BST1: variants seen among roughly 807,000 people sequenced by gnomAD.
BST1 encodes ADP-ribosyl cyclase/cyclic ADP-ribose hydrolase 2.
A neutral mutation model predicts 40.6 loss-of-function variants in BST1; 49 were observed. The observed-to-expected ratio is 1.21, with a 90% CI of 0.96 to 1.53. BST1 has a LOEUF of 1.53. Among genes scored for constraint, BST1 ranks in the 40% most tolerant of loss-of-function variants. BST1 has a pLI of 0.00. For synonymous variants in BST1, 157 were observed against 159.3 expected, an observed-to-expected ratio of 0.99 and a Z score of 0.11; for missense variants, 423 against 395.9, an observed-to-expected ratio of 1.07 and a Z score of -0.58.
chr4:15,711,944 G>A, intron 4 of BST1, 55 bp downstream of exon 4: 1 of 1,488,282 alleles, frequency 6.7e-7, no homozygotes, highest in Non-Finnish European at 9.4e-7. Flanking sequence ...CATAGAGATG[G>A]AACATAGTCA....
chr4:15,726,456 C>G (rs16892272), intron 8 of BST1, among the ~76,000 whole-genome samples: 20,516 of 152,206 alleles, frequency 0.13, 2,606 homozygotes, highest in East Asian at 0.52. Flanking sequence ...CTCTACAACA[C>G]CTTCAGAGAA....
chr4:15,736,111 C>T (rs1361864071), downstream of BST1: 12 of 1,288,810 alleles, frequency 9.3e-6, no homozygotes, highest in African/African-American at 3.0e-5. Flanking sequence ...ATACAACCGC[C>T]GGTTCTAGCC....
At chr4:15,750,165 C>A in the BST1 span, among the ~76,000 whole-genome samples, 1 of 152,106 alleles carries the variant, frequency 6.6e-6, no homozygotes, top group Non-Finnish European at 1.5e-5. Flanking sequence ...GCTGGGATTA[C>A]AGGTGCCCAC....
At chr4:15,726,371 T>G (rs1721115072) in intron 8 of BST1, among the ~76,000 whole-genome samples, 1 of 152,144 alleles carries the variant, frequency 6.6e-6, no homozygotes, top group African/African-American at 2.4e-5. Context: ...AATGGTTGGA[T>G]TCTACCCTGG....
In BST1 at chr4:15,705,361, C is replaced by T. The variant is rs115226490; in HGVS notation, c.189-154C>T. On this transcript the variant is annotated intron_variant, in intron 1 of 8. Coordinates refer to ENST00000265016, the MANE Select transcript of BST1 (RefSeq NM_004334.3). The stretch of plus-strand genomic sequence containing the variant: ...CAGTGTCAGATTTCTGAATCTGTCA[C>T]CTAAGCCATGACAATTCGTTGTCTT... Among the ~76,000 whole-genome samples the T allele has an allele frequency of 9.1e-3, 1,391 of 152,120 alleles. 19 individuals carry two copies. Among genetic ancestry groups the T allele is most frequent in the African/African-American group, 0.032 (1,323 of 41,454 alleles).
the BST1 span, among the ~76,000 whole-genome samples, chr4:15,749,424 AG>A: frequency 6.6e-6 from 1 of 152,154 alleles, no homozygotes; most frequent in Non-Finnish European, 1.5e-5. Flanking sequence ...TACTTTATTC[AG>A]GGGATCTTTT....
chr4:15,774,068 A>G, the BST1 span, among the ~76,000 whole-genome samples: 1 of 152,190 alleles, frequency 6.6e-6, no homozygotes, highest in Non-Finnish European at 1.5e-5. Flanking sequence ...AATTAAAGTG[A>G]GCTCAAATTC....
Position 15,703,188 on chromosome 4 carries a change from TG to T in BST1, c.45del (p.Leu16CysfsTer43). 1 of 1,559,432 alleles carries T rather than the reference TG, an allele frequency of 6.4e-7. No individual in the cohort carries two copies. Among genetic ancestry groups the T allele is most frequent in the Middle Eastern group, 1.7e-4 (1 of 5,718 alleles). ...GCAASRLLQL[L>X]LQLLLLLLLL... ...GCGGCATCGCGGCTGCTCCAGCTGC[TG>T]CTGCAGCTTCTGCTTCTACTGTTGC... On this transcript the variant is annotated frameshift_variant, in exon 1 of 9. Transcript: ENST00000265016. LOFTEE classifies it high-confidence loss of function.
chr4:15,744,349 G>T, the BST1 span, among the ~76,000 whole-genome samples: 6 of 152,244 alleles, frequency 3.9e-5, no homozygotes, highest in South Asian at 1.2e-3. Flanking sequence ...CACGGTGGAA[G>T]GCAAAGGGGA....
Position 15,715,939 on chromosome 4 carries a change from A to T in BST1, c.704+140A>T, listed in dbSNP as rs200446545. The T allele has an allele frequency of 1.4e-4, 85 of 602,156 alleles. No homozygotes were observed. The East Asian group carries it at 2.7e-3, about 19-fold the overall frequency. 37.3% of individuals were successfully genotyped at this position (602,156 alleles called of 1,614,324 possible). On this transcript the variant is annotated intron_variant, in intron 6 of 8. Coordinates refer to ENST00000265016, the MANE Select transcript of BST1 (RefSeq NM_004334.3). ...TCTAATGGGGTTGGTAGAGAAAGAC[A>T]AAAGCTTGACTTTCTGGGAATGCCA...
chr4:15,748,451 C>A, the BST1 span, among the ~76,000 whole-genome samples: 2 of 152,136 alleles, frequency 1.3e-5, no homozygotes, highest in Admixed American at 6.5e-5. Flanking sequence ...TCTGGGGGGT[C>A]ATGGGAATCT....
rs76228166 is a variant in BST1, at chr4:15,725,191, G to A, written c.851+2257G>A. Among the ~76,000 whole-genome samples, 1,682 of 152,308 alleles carry A rather than the reference G, an allele frequency of 0.011. 68 individuals are homozygous for A. In the East Asian group the frequency reaches 0.16, roughly 14 times the overall value. ...AGAAGCAAAGAAACTCTGGCTCAGAGAAGTTTATGAAGGACTCACCCAAGA... is the reference window on the plus strand; with the variant it reads ...AGAAGCAAAGAAACTCTGGCTCAGAAAAGTTTATGAAGGACTCACCCAAGA... On this transcript the variant is annotated intron_variant, in intron 8 of 8. Transcript: ENST00000265016.
At chr4:15,760,312 T>C in the BST1 span, among the ~76,000 whole-genome samples, 1 of 151,982 alleles carries the variant, frequency 6.6e-6, no homozygotes, top group Non-Finnish European at 1.5e-5. Context: ...TATCACATTT[T>C]GTTTATCCAT....
downstream of BST1, among the ~76,000 whole-genome samples, chr4:15,740,303 C>T (rs905401700): frequency 6.6e-5 from 10 of 152,168 alleles, no homozygotes; most frequent in East Asian, 1.9e-4. Flanking sequence ...GTGATCTGCC[C>T]GCCTTGGGTT....
Position 15,732,236 on chromosome 4 carries a change from A to T in BST1, c.*391A>T. 3.9e-6 allele frequency: 2 copies of T among 512,030 alleles called. No individual in the cohort carries two copies. Among genetic ancestry groups the T allele is most frequent in the Non-Finnish European group, 5.1e-6 (2 of 389,482 alleles). The allele number at this position is 512,030 out of a possible 1,614,324, so 31.7% of individuals were successfully genotyped here. A position where few individuals can be genotyped will look rare whatever the true frequency, so the allele number is the denominator to read the frequency against. ...CATGCTTGTTGATTGCTTAAGACAT[A>T]TGTATACTATATAAATGTATGCATA... On this transcript the variant is annotated 3_prime_UTR_variant, in exon 9 of 9. Coordinates refer to ENST00000265016, the MANE Select transcript of BST1 (RefSeq NM_004334.3).
the BST1 span, among the ~76,000 whole-genome samples, chr4:15,754,788 G>GA: frequency 5.6e-4 from 85 of 152,238 alleles, no homozygotes; most frequent in African/African-American, 2.0e-3. Context: ...AAAACACTAT[G>GA]AAAAAATCTC....
downstream of BST1, among the ~76,000 whole-genome samples, chr4:15,742,405 C>T (rs1268103343): frequency 6.6e-6 from 1 of 152,210 alleles, no homozygotes; most frequent in African/African-American, 2.4e-5. Flanking sequence ...GCCATGTGAT[C>T]TCTTTGCATA....
the BST1 span, among the ~76,000 whole-genome samples, chr4:15,750,805 T>A: frequency 6.6e-6 from 1 of 151,386 alleles, no homozygotes; most frequent in East Asian, 2.0e-4. Flanking sequence ...TGTAACTGGG[T>A]TTTTTTGTTC....
chr4:15,770,533 C>T, the BST1 span, among the ~76,000 whole-genome samples: 9 of 152,000 alleles, frequency 5.9e-5, no homozygotes, highest in Admixed American at 3.9e-4. Flanking sequence ...GGTGAAGCCC[C>T]GTCTCTACTA....
Sources: gnomAD v4.1 joint callset for allele counts (sites outside exome capture counted in the v4.1 genomes callset) on GRCh38, gnomAD v4.1.1 for gene constraint, MANE v1.5 for transcripts, NCBI Gene and HGNC (gene_info 2026-07-23, HGNC 2026-07-21) for gene names.